ISM2: variants seen among roughly 807,000 people sequenced by gnomAD.
ISM2 encodes isthmin-2.
A neutral mutation model predicts 58.0 loss-of-function variants in ISM2; 50 were observed. The ratio of observed to expected loss-of-function variants is 0.86; its 90% confidence interval spans 0.69 to 1.09. The LOEUF is 1.09. Among genes scored for constraint, ISM2 ranks in the 50% least tolerant of loss-of-function variants. The probability of loss-of-function intolerance (pLI) is 0.00; values close to 1 mark genes in which losing one functional copy is unlikely to be tolerated. For synonymous variants in ISM2, 303 were observed against 312.4 expected, an observed-to-expected ratio of 0.97 and a Z score of 0.32; for missense variants, 723 against 745.0, an observed-to-expected ratio of 0.97 and a Z score of 0.34.
intron 3 of ISM2, 40 bp downstream of exon 3, chr14:77,484,283 C>T (rs746698592): frequency 1.6e-5 from 25 of 1,595,032 alleles, no homozygotes; most frequent in East Asian, 4.5e-5. Context: ...CGCTCCTCTC[C>T]GGGTGTCTGC....
chr14:77,487,280 T>TA (rs1362118466), intron 1 of ISM2, among the ~76,000 whole-genome samples: 5 of 144,298 alleles, frequency 3.5e-5, no homozygotes, highest in African/African-American at 1.3e-4. Flanking sequence ...AATAAATAAA[T>TA]AATAAAAAGA....
At chr14:77,483,341 C>T (rs1411457493) in intron 3 of ISM2, among the ~76,000 whole-genome samples, 2 of 152,038 alleles carry the variant, frequency 1.3e-5, no homozygotes, top group Non-Finnish European at 2.9e-5. Context: ...GGGCAGATCA[C>T]GAGGTCAAGA....
In ISM2 at chr14:77,478,686, AG is replaced by A. The variant is rs1566753147; in HGVS notation, c.1002del (p.Trp335GlyfsTer74). 6.2e-7 allele frequency: 1 copy of A among 1,613,366 alleles called. No homozygotes were observed. Among genetic ancestry groups the A allele is most frequent in the South Asian group, 1.1e-5 (1 of 91,060 alleles). Reference sequence around the variant, plus strand: ...CTGCAGTTCCCACTGCAGGGAGACCAGGGACTCCACTCCTTCTGAGGCTCAT... The same window carrying A: ...CTGCAGTTCCCACTGCAGGGAGACCAGGACTCCACTCCTTCTGAGGCTCAT... ...YDYEPQKEWSPWSPCSGNCST... is the reference protein window; with the variant it reads ...YDYEPQKEWSXWSPCSGNCST... On this transcript the variant is annotated frameshift_variant, in exon 5 of 7. Transcript: ENST00000342219. LOFTEE classifies it high-confidence loss of function.
chr14:77,498,661 G>A lies in ISM2; in HGVS notation c.133C>T (p.Leu45Phe). 6.8e-7 allele frequency: 1 copy of A among 1,470,834 alleles called. No homozygotes were observed. The highest frequency in any genetic ancestry group is 1.3e-5 in the South Asian group (1 of 77,406). The allele number at this position is 1,470,834 out of a possible 1,614,324, so 91.1% of individuals were successfully genotyped here. The change falls in exon 1 of 7, where the codon CTC becomes TTC. Residue 45 changes from leucine (L) to phenylalanine (F), a missense_variant. Leu to Phe is a conservative substitution (Grantham distance 22). Coordinates refer to ENST00000342219, the MANE Select transcript of ISM2 (RefSeq NM_199296.3). ...GTGCCGCCGCCACTCACCTCTGCGA[G>A]CCTCGTGAGGCTCCCAGGCCGTGGT... ...RGPRPGSLTR[L>F]AEVSASPDPR...
chr14:77,495,797 A>T (rs1354553661), intron 1 of ISM2, among the ~76,000 whole-genome samples: 1 of 152,182 alleles, frequency 6.6e-6, no homozygotes, highest in Admixed American at 6.5e-5. Context: ...AGTCTAAAGG[A>T]TGCATTCTCA....
rs1361282527 is a variant in ISM2 at position 77,475,858 on chromosome 14, T to C, written c.1453A>G (p.Ser485Gly). Residue 485 changes from serine (S) to glycine (G), a missense_variant, in exon 7 of 7, where the codon AGC (serine) becomes GGC (glycine). Ser to Gly is a moderately conservative substitution (Grantham distance 56). Transcript: ENST00000342219. The surrounding 1 kb of genome is among the most constrained non-coding windows in gnomAD (Gnocchi z 4.1). ...CLRSMLSGESSTLAAQHCCYD... is the reference protein window; with the variant it reads ...CLRSMLSGESGTLAAQHCCYD... ...CAGCAGTGCTGGGCGGCCAGTGTGC[T>C]GCTCTCCCCAGACAGCATGGAACGC... is the stretch of plus-strand genomic sequence containing the variant. The C allele has an allele frequency of 6.2e-7, 1 of 1,609,492 alleles. No individual in the cohort carries two copies.
chr14:77,491,689 G>GT (rs1566758519), intron 1 of ISM2, among the ~76,000 whole-genome samples: 2 of 137,324 alleles, frequency 1.5e-5, no homozygotes, highest in Admixed American at 7.6e-5. Flanking sequence ...ACCGCGTCTG[G>GT]TCTTTTTTTT....
At position 77,475,998 on chromosome 14, in the gene ISM2, ATG is replaced by A. The variant is rs1468181213; in HGVS notation, c.1311_1312del (p.Met438GlyfsTer57). 10 of 1,588,842 alleles carry A rather than the reference ATG, an allele frequency of 6.3e-6. No individual in the cohort carries two copies. In the African/African-American group the frequency reaches 1.1e-4, roughly 17 times the overall value. On this transcript the variant is annotated frameshift_variant, in exon 7 of 7. Coordinates refer to ENST00000342219, the MANE Select transcript of ISM2 (RefSeq NM_199296.3). LOFTEE classifies it high-confidence loss of function. The surrounding 1 kb of genome is among the most constrained non-coding windows in gnomAD (Gnocchi z 4.1). ...GTCCTGTAGGCTCACAGGGCTGTCC[ATG>A]GCCTCCAGTGGGTAGGCACACGGGC...
Position 77,484,734 on chromosome 14 carries a change from C to A in ISM2, c.327G>T (p.Leu109=). ...TPEVTPLRLE[L]QKLPGLANTT... The stretch of plus-strand genomic sequence containing the variant: ...TGTTGGCCAATCCCGGCAGCTTCTG[C>A]AGCTCCAGCCGCAACGGAGTAACCT... The change falls in exon 2 of 7, where the codon CTG becomes CTT. Residue 109 remains leucine, a synonymous_variant. Coordinates refer to ENST00000342219, the MANE Select transcript of ISM2 (RefSeq NM_199296.3). 1.2e-6 allele frequency: 2 copies of A among 1,612,614 alleles called. No individual in the cohort carries two copies. The highest frequency in any genetic ancestry group is 1.7e-6 in the Non-Finnish European group (2 of 1,179,748).
intron 1 of ISM2, among the ~76,000 whole-genome samples, chr14:77,489,762 C>T (rs1055372847): frequency 1.2e-4 from 19 of 152,216 alleles, no homozygotes; most frequent in Non-Finnish European, 2.4e-4. Flanking sequence ...CGCACAGGGC[C>T]GGCTTCATGG....
intron 4 of ISM2, among the ~76,000 whole-genome samples, chr14:77,481,065 C>G (rs1347606405): frequency 2.6e-5 from 4 of 151,928 alleles, no homozygotes; most frequent in African/African-American, 7.2e-5. Flanking sequence ...CATGGCCGGG[C>G]ACGGTGGCTC....
chr14:77,483,119 A>C (rs779391891), intron 3 of ISM2, among the ~76,000 whole-genome samples: 6 of 152,224 alleles, frequency 3.9e-5, no homozygotes, highest in Non-Finnish European at 7.3e-5. Flanking sequence ...ACTCTCTTGC[A>C]CCACATTATG....
chr14:77,483,540 T>A (rs1213338046), intron 3 of ISM2, among the ~76,000 whole-genome samples: 1 of 135,026 alleles, frequency 7.4e-6, no homozygotes, highest in Non-Finnish European at 1.6e-5. Context: ...AGAGCGAGAC[T>A]CCATCTCAAA....
At chr14:77,487,549 T>C (rs7148492) in intron 1 of ISM2, among the ~76,000 whole-genome samples, 150,046 of 152,342 alleles carry the variant, frequency 0.98, 73,929 homozygotes, top group Middle Eastern at 1. Flanking sequence ...CCAGAGAGGT[T>C]CTGGCCAAGT....
chr14:77,476,064 A>G lies in ISM2; in HGVS notation c.1247T>C (p.Ile416Thr). The G allele has an allele frequency of 6.5e-7, 1 of 1,532,992 alleles. No homozygotes were observed. The highest frequency in any genetic ancestry group is 1.4e-5 in the African/African-American group (1 of 73,400). The allele number at this position is 1,532,992 out of a possible 1,614,324, so 95.0% of individuals were successfully genotyped here. Reference sequence around the variant, plus strand: ...CCGCAGCATCTGGCTCAGATACTTGATTAGGAAGTCGCTCTTGCAGTTCAG... The same window carrying G: ...CCGCAGCATCTGGCTCAGATACTTGGTTAGGAAGTCGCTCTTGCAGTTCAG... ...KWLNCKSDFL[I>T]KYLSQMLRDL... Residue 416 changes from isoleucine (I) to threonine (T), a missense_variant, in exon 7 of 7, where the codon ATC becomes ACC. Ile to Thr is a moderately conservative substitution (Grantham distance 89). Transcript: ENST00000342219.
chr14:77,498,215 G>A (rs1019357764), intron 1 of ISM2: 1 of 1,269,424 alleles, frequency 7.9e-7, no homozygotes, highest in African/African-American at 1.5e-5. Context: ...TCTCATGGAA[G>A]GGGCTCACCT....
chr14:77,478,534 C>G (rs746792097), intron 5 of ISM2, 41 bp downstream of exon 5: 1 of 1,594,590 alleles, frequency 6.3e-7, no homozygotes, highest in Non-Finnish European at 8.6e-7. Flanking sequence ...CAGCCTAAGC[C>G]GCACCAGCCA....
Position 77,484,576 on chromosome 14 carries a change from G to C in ISM2, c.385-11C>G. ...TGGGGAGGCTGAAGCCTGAGGAAGA[G>C]AGAGGGAAGGTGAGGTGACAGGTTA... On this transcript the variant is annotated splice_polypyrimidine_tract_variant and intron_variant, in intron 2 of 6. Coordinates refer to ENST00000342219, the MANE Select transcript of ISM2 (RefSeq NM_199296.3). 1.2e-6 allele frequency: 2 copies of C among 1,602,454 alleles called. No homozygotes were observed. Among genetic ancestry groups the C allele is most frequent in the Non-Finnish European group, 1.7e-6 (2 of 1,174,848 alleles).
chr14:77,492,507 G>C (rs2079211950), intron 1 of ISM2, among the ~76,000 whole-genome samples: 1 of 141,902 alleles, frequency 7.0e-6, no homozygotes, highest in African/African-American at 2.6e-5. Context: ...TCAACAAACT[G>C]GCCCCAGCCT....
Sources: gnomAD v4.1 joint callset for allele counts (sites outside exome capture counted in the v4.1 genomes callset) on GRCh38, gnomAD v4.1.1 for gene constraint, Gnocchi (gnomAD v3.1) non-coding constraint, MANE v1.5 for transcripts, NCBI Gene and HGNC (gene_info 2026-07-23, HGNC 2026-07-21) for gene names.